The following LRIG3 variants were observed in gnomAD, a reference collection of about 807,000 sequenced individuals.
LRIG3 encodes leucine-rich repeats and immunoglobulin-like domains protein 3.
LRIG3 carries 76 observed loss-of-function variants against 114.5 expected under a neutral mutation model. The ratio of observed to expected loss-of-function variants is 0.66; its 90% CI spans 0.55 to 0.80. LRIG3 has a LOEUF of 0.80. Ranked by LOEUF, LRIG3 falls within the 30% of genes least tolerant of loss-of-function variation. The pLI, the probability that LRIG3 is intolerant of heterozygous loss-of-function variation, is 0.00. For missense variants in LRIG3, 1,239 were observed against 1,382.8 expected, an observed-to-expected ratio of 0.90 and a Z score of 1.65; for synonymous variants, 512 against 519.8, an observed-to-expected ratio of 0.98 and a Z score of 0.20.
chr12:58,898,945 C>T (rs1169340928), intron 3 of LRIG3, among the ~76,000 whole-genome samples: 1 of 152,222 alleles, frequency 6.6e-6, no homozygotes, highest in Non-Finnish European at 1.5e-5. Context: ...GTGGGAGCCA[C>T]CACGCCCAGC....
At position 58,902,262 on chromosome 12, in the gene LRIG3, T is replaced by C. The variant is rs113865969; in HGVS notation, c.384-11466A>G. 7.4e-4 allele frequency among the ~76,000 whole-genome samples: 112 copies of C among 151,624 alleles called. 1 individual carries two copies. The highest frequency in any genetic ancestry group is 3.4e-3 in the Middle Eastern group (1 of 294). On this transcript the variant is annotated intron_variant, in intron 3 of 18. Transcript: ENST00000320743. ...GTGACTCAATTCAAAAGCATCTTAT[T>C]CTTAAAAAAAAAATGTAAAAAAAAT...
intron 3 of LRIG3, among the ~76,000 whole-genome samples, chr12:58,912,818 T>C (rs1036564184): frequency 2.0e-5 from 3 of 152,256 alleles, no homozygotes; most frequent in Admixed American, 1.3e-4. Flanking sequence ...GATTCTAAAA[T>C]TTTAAGCAAT....
chr12:58,919,964 G>A (rs1234644786), intron 1 of LRIG3, 36 bp downstream of exon 1: 3 of 1,536,022 alleles, frequency 2.0e-6, no homozygotes, highest in Non-Finnish European at 2.6e-6. Flanking sequence ...ATCTCCAGCG[G>A]CCCGGGCCCC....
At chr12:58,897,399 C>T (rs1018491213) in intron 3 of LRIG3, among the ~76,000 whole-genome samples, 1 of 152,048 alleles carries the variant, frequency 6.6e-6, no homozygotes, top group Admixed American at 6.6e-5. Context: ...AGAGGTCCTG[C>T]AATAATCAGT....
At chr12:58,902,482 C>G (rs1420836341) in intron 3 of LRIG3, among the ~76,000 whole-genome samples, 2 of 151,872 alleles carry the variant, frequency 1.3e-5, no homozygotes, top group African/African-American at 4.9e-5. Context: ...CTCAATAAAG[C>G]TATATGAGAG....
rs947701778 is a variant in LRIG3, at chr12:58,919,437, T to C, written c.236+563A>G. 12 of 1,551,470 alleles carry C rather than the reference T, an allele frequency of 7.7e-6. No homozygotes were observed. In the Admixed American group the frequency reaches 1.2e-4, roughly 15 times the overall value. On this transcript the variant is annotated intron_variant, in intron 1 of 18. Coordinates refer to ENST00000320743, the MANE Select transcript of LRIG3 (RefSeq NM_153377.5). The stretch of plus-strand genomic sequence containing the variant: ...GGAGTGGGAACTTACGGTCTGCTAA[T>C]GTGAAAAAGCAAGCAGAGGGAGAAC...
rs750688300 is a variant in LRIG3, at chr12:58,872,560, G to A, written c.*12C>T. 2.5e-6 allele frequency: 4 copies of A among 1,590,932 alleles called. No homozygotes were observed. Among genetic ancestry groups the A allele is most frequent in the South Asian group, 2.3e-5 (2 of 88,104 alleles). ...GGTAGTATGTTAAGCTTTTCCTTTG[G>A]TCTCATTCAGTCTATGTGTCCAAGT... On this transcript the variant is annotated 3_prime_UTR_variant, in exon 19 of 19. Coordinates refer to ENST00000320743, the MANE Select transcript of LRIG3 (RefSeq NM_153377.5).
chr12:58,877,905 T>C, intron 14 of LRIG3, 53 bp from the exon 15 acceptor site: 1 of 1,499,778 alleles, frequency 6.7e-7, no homozygotes, highest in South Asian at 1.3e-5. Flanking sequence ...AGTTTCCATA[T>C]CATAAAATGT....
chr12:58,874,687 A>C (rs1455314580), intron 16 of LRIG3, 114 bp from the exon 17 acceptor site: 1 of 1,413,802 alleles, frequency 7.1e-7, no homozygotes. Context: ...AACATCATAT[A>C]GACAAAAAAA....
intron 18 of LRIG3, 139 bp from the exon 19 acceptor site, chr12:58,872,955 T>C: frequency 8.7e-7 from 1 of 1,146,900 alleles, no homozygotes; most frequent in East Asian, 2.4e-5. Context: ...GGCACTCACA[T>C]ACATGTACAT....
rs1006447075 is a variant in LRIG3 at position 58,920,159 on chromosome 12, C to A, written c.77G>T (p.Arg26Leu). The change falls in exon 1 of 19, where the codon CGG becomes CTG. Residue 26 changes from arginine to leucine, a missense_variant. Coordinates refer to ENST00000320743, the MANE Select transcript of LRIG3 (RefSeq NM_153377.5). ...LLCAVLGRAG[R>L]SDSGGRGELG... ...TTCCCCGCGACCGCCGCTGTCTGAC[C>A]GGCCAGCGCGCCCCAGCACCGCGCA... 1.3e-6 allele frequency: 2 copies of A among 1,540,664 alleles called. No homozygotes were observed. The highest frequency in any genetic ancestry group is 1.7e-6 in the Non-Finnish European group (2 of 1,145,996).
chr12:58,875,725 G>T (rs1361276935), intron 16 of LRIG3, among the ~76,000 whole-genome samples: 1 of 152,166 alleles, frequency 6.6e-6, no homozygotes, highest in Non-Finnish European at 1.5e-5. Context: ...ATGCAGCATT[G>T]AAAGCAAGGG....
At chr12:58,912,514 AACACTAGGTT>A (rs1872322840) in intron 3 of LRIG3, among the ~76,000 whole-genome samples, 1 of 152,144 alleles carries the variant, frequency 6.6e-6, no homozygotes, top group African/African-American at 2.4e-5. Flanking sequence ...AAAAGTATAA[AACACTAGGTT>A]ACTTATAATT....
At chr12:58,916,073 TA>T (rs1246731610) in intron 1 of LRIG3, among the ~76,000 whole-genome samples, 3 of 152,080 alleles carry the variant, frequency 2.0e-5, no homozygotes, top group Non-Finnish European at 2.9e-5. Context: ...TAATTAAAAA[TA>T]AAAAAACACT....
chr12:58,872,767 G>A lies in LRIG3; in HGVS notation c.3165C>T (p.Ser1055=). The change falls in exon 19 of 19, where the codon AGC becomes AGT. Residue 1055 remains serine (S), a synonymous_variant. Coordinates refer to ENST00000320743, the MANE Select transcript of LRIG3 (RefSeq NM_153377.5). Reference sequence around the variant, plus strand: ...GCTGACAATCTGATGGCTGTCCAAAGCTTGAATAGGCATCTAGGTGAGGTC... The same window carrying A: ...GCTGACAATCTGATGGCTGTCCAAAACTTGAATAGGCATCTAGGTGAGGTC... ...LRRPHLDAYS[S]FGQPSDCQPR... is the part of the protein sequence containing the mutation. The A allele has an allele frequency of 6.2e-7, 1 of 1,614,096 alleles. No individual in the cohort carries two copies. The highest frequency in any genetic ancestry group is 8.5e-7 in the Non-Finnish European group (1 of 1,179,948).
chr12:58,897,114 T>C (rs1434787716), intron 3 of LRIG3, among the ~76,000 whole-genome samples: 1 of 152,220 alleles, frequency 6.6e-6, no homozygotes, highest in Non-Finnish European at 1.5e-5. Context: ...ACTGCTCATC[T>C]CTTTTCTAAA....
intron 11 of LRIG3, among the ~76,000 whole-genome samples, 159 bp from the exon 12 acceptor site, chr12:58,883,191 TG>T (rs1871173561): frequency 6.6e-6 from 1 of 152,172 alleles, no homozygotes; most frequent in Non-Finnish European, 1.5e-5. Context: ...ATACAAGAAA[TG>T]TATCTAGCAT....
intron 1 of LRIG3, chr12:58,919,617 G>T: frequency 6.7e-7 from 1 of 1,498,088 alleles, no homozygotes; most frequent in South Asian, 1.3e-5. Flanking sequence ...AACTCAGCGA[G>T]AACTGCAAAC....
At position 58,888,840 on chromosome 12, in the gene LRIG3, C is replaced by T; in HGVS notation, c.782G>A (p.Gly261Glu). The change falls in exon 6 of 19, where the codon GGG (glycine) becomes GAG (glutamate). Residue 261 changes from glycine (G) to glutamate (E), a missense_variant. Coordinates refer to ENST00000320743, the MANE Select transcript of LRIG3 (RefSeq NM_153377.5). ...VTKLMDGAFW[G>E]LSNMEILQLD... ...TTACAAAATTTCCATGTTGCTCAGC[C>T]CCCAAAAAGCTCCATCCATAAGTTT... is the stretch of plus-strand genomic sequence containing the variant. The T allele has an allele frequency of 6.2e-7, 1 of 1,613,698 alleles. No individual in the cohort carries two copies. The highest frequency in any genetic ancestry group is 8.5e-7 in the Non-Finnish European group (1 of 1,179,804).
Sources: gnomAD v4.1 joint callset for allele counts (sites outside exome capture counted in the v4.1 genomes callset) on GRCh38, gnomAD v4.1.1 for gene constraint, MANE v1.5 for transcripts, NCBI Gene and HGNC (gene_info 2026-07-23, HGNC 2026-07-21) for gene names.